Variants in NLGN1 observed in about 807,000 individuals in gnomAD.
The protein encoded by NLGN1 is neuroligin 1.
In NLGN1, 12 loss-of-function variants were observed where a neutral mutation model predicts 65.5. The observed-to-expected ratio is 0.18, with a 90% confidence interval of 0.12 to 0.30. NLGN1 has a LOEUF of 0.30. Ranked by LOEUF, NLGN1 falls within the 10% of genes least tolerant of loss-of-function variation. The pLI is 1.00. For missense variants in NLGN1, 750 were observed against 1,007.1 expected (o/e 0.74, Z 3.46); for synonymous variants, 350 against 359.5 (o/e 0.97, Z 0.30).
intron 3 of NLGN1, among the ~76,000 whole-genome samples, chr3:173,759,179 C>A (rs935685316): frequency 2.0e-5 from 3 of 151,798 alleles, no homozygotes; most frequent in African/African-American, 4.8e-5. Flanking sequence ...CACACACACC[C>A]AATTTTCATG....
intron 2 of NLGN1, among the ~76,000 whole-genome samples, chr3:173,445,660 C>G (rs564576939): frequency 6.6e-6 from 1 of 152,302 alleles, no homozygotes; most frequent in South Asian, 2.1e-4. Flanking sequence ...CATTAAATGG[C>G]TTCAGATTGC....
At chr3:173,745,467 C>T (rs1423771639) in intron 3 of NLGN1, among the ~76,000 whole-genome samples, 1 of 151,406 alleles carries the variant, frequency 6.6e-6, no homozygotes, top group African/African-American at 2.4e-5. Flanking sequence ...ACATCTAAAG[C>T]TTTTTTTTAC....
intron 2 of NLGN1, among the ~76,000 whole-genome samples, chr3:173,482,541 G>A (rs1727470248): frequency 6.6e-5 from 10 of 151,332 alleles, no homozygotes; most frequent in Admixed American, 6.6e-4. Context: ...CTCAAAATAT[G>A]ATGTAGAAAT....
chr3:173,780,093 G>T (rs960324451), intron 3 of NLGN1, among the ~76,000 whole-genome samples: 13 of 152,140 alleles, frequency 8.5e-5, no homozygotes, highest in African/African-American at 3.1e-4. Context: ...GCTGCCCATG[G>T]AATATATAAT....
chr3:174,185,704 T>C (rs1019917307), intron 4 of NLGN1, among the ~76,000 whole-genome samples: 1 of 152,062 alleles, frequency 6.6e-6, no homozygotes, highest in African/African-American at 2.4e-5. Flanking sequence ...TTTAATGGTG[T>C]CTAAAGATAA....
At chr3:173,571,255 C>T (rs987144235) in intron 2 of NLGN1, among the ~76,000 whole-genome samples, 26 of 152,170 alleles carry the variant, frequency 1.7e-4, no homozygotes, top group African/African-American at 5.8e-4. Context: ...ATTATCTGCC[C>T]TTCTTGTCTT....
intron 3 of NLGN1, among the ~76,000 whole-genome samples, chr3:173,734,136 T>C (rs1773332526): frequency 6.6e-6 from 1 of 152,048 alleles, no homozygotes; most frequent in Admixed American, 6.6e-5. Flanking sequence ...AAGCATCTTA[T>C]AATTACATTT....
chr3:174,294,202 G>A, the NLGN1 span, among the ~76,000 whole-genome samples: 1 of 151,384 alleles, frequency 6.6e-6, no homozygotes, highest in Middle Eastern at 3.6e-3. Context: ...GTATTAATTT[G>A]CATGTTTAAA....
At chr3:173,824,469 A>T (rs2150553901) in intron 4 of NLGN1, among the ~76,000 whole-genome samples, 1 of 152,230 alleles carries the variant, frequency 6.6e-6, no homozygotes, top group African/African-American at 2.4e-5. Flanking sequence ...TTTTTAAAAA[A>T]TTAAATAAAG....
chr3:174,072,998 C>G (rs1740213363), intron 4 of NLGN1, among the ~76,000 whole-genome samples: 1 of 152,106 alleles, frequency 6.6e-6, no homozygotes, highest in Non-Finnish European at 1.5e-5. Context: ...AACATGCCCT[C>G]TTGAGTGGAA....
chr3:173,462,053 A>T (rs1723497827), intron 2 of NLGN1, among the ~76,000 whole-genome samples: 1 of 152,338 alleles, frequency 6.6e-6, no homozygotes, highest in South Asian at 2.1e-4. Flanking sequence ...TCAAAAATCA[A>T]TTGTAAGAGA....
In NLGN1 at chr3:173,444,087, T is replaced by C. The variant is rs139031548; in HGVS notation, c.-321+9009T>C. Among the ~76,000 whole-genome samples the C allele has an allele frequency of 1.5e-3, 234 of 152,324 alleles. 1 individual carries two copies. Among genetic ancestry groups the C allele is most frequent in the African/African-American group, 5.4e-3 (225 of 41,576 alleles). ...ATAGTTTGAAAAATATCACATATACTGGGCATCTTTCTAAAAAGGCAATAT... is the reference window on the plus strand; with the variant it reads ...ATAGTTTGAAAAATATCACATATACCGGGCATCTTTCTAAAAAGGCAATAT... On this transcript the variant is annotated intron_variant, in intron 2 of 6. Coordinates refer to ENST00000457714, the Ensembl canonical transcript of NLGN1.
At chr3:174,028,813 A>G (rs576890942) in intron 4 of NLGN1, among the ~76,000 whole-genome samples, 34 of 152,206 alleles carry the variant, frequency 2.2e-4, no homozygotes, top group Non-Finnish European at 3.8e-4. Context: ...TGTCAGAGGT[A>G]TTCATGGCAG....
intron 4 of NLGN1, among the ~76,000 whole-genome samples, chr3:173,965,424 T>C (rs1714612322): frequency 6.6e-6 from 1 of 151,622 alleles, no homozygotes; most frequent in Non-Finnish European, 1.5e-5. Context: ...TTCAAGAGAT[T>C]CTCATGCTTC....
chr3:173,397,821 G>T (rs369654198), upstream of NLGN1: 9 of 152,316 alleles, frequency 5.9e-5, 1 homozygote, highest in African/African-American at 2.2e-4. Flanking sequence ...CGCGGAGCTG[G>T]CGTGGGGAGA....
intron 4 of NLGN1, among the ~76,000 whole-genome samples, chr3:173,885,614 T>G (rs1734193373): frequency 6.6e-6 from 1 of 152,086 alleles, no homozygotes; most frequent in African/African-American, 2.4e-5. Context: ...AAAAAGCATA[T>G]TCAATAAATG....
intron 3 of NLGN1, among the ~76,000 whole-genome samples, chr3:173,629,033 G>C (rs1485714875): frequency 6.6e-6 from 1 of 151,436 alleles, no homozygotes; most frequent in East Asian, 1.9e-4. Flanking sequence ...ACATTATGTA[G>C]CATTATACAA....
chr3:173,610,143 G>A (rs1010097427), intron 3 of NLGN1, among the ~76,000 whole-genome samples: 2 of 151,842 alleles, frequency 1.3e-5, no homozygotes, highest in Admixed American at 6.6e-5. Flanking sequence ...TAGTAACCAC[G>A]GAAGTGATAG....
intron 4 of NLGN1, among the ~76,000 whole-genome samples, chr3:173,855,490 G>A (rs369620566): frequency 3.2e-4 from 48 of 151,932 alleles, no homozygotes; most frequent in African/African-American, 1.1e-3. Flanking sequence ...TTATTGCACC[G>A]AGCCCTACAT....
Sources: allele counts gnomAD v4.1 joint callset (sites outside exome capture counted in the v4.1 genomes callset), GRCh38; gene constraint gnomAD v4.1.1; transcripts MANE v1.5; gene names NCBI Gene and HGNC (gene_info 2026-07-23, HGNC 2026-07-21).